GRID2: variants seen among roughly 807,000 people sequenced by gnomAD.
GRID2 encodes the protein glutamate receptor ionotropic, delta-2.
A neutral mutation model predicts 114.8 loss-of-function variants in GRID2; 33 were observed. That is an observed-to-expected ratio of 0.29 (90% CI 0.22 to 0.38). The LOEUF (loss-of-function observed/expected upper bound fraction) is 0.38, where lower values mean the gene tolerates loss of function less well. GRID2 is among the 10% of genes least tolerant of loss of function. The pLI is 1.00. For synonymous variants in GRID2, 505 were observed against 449.9 expected (o/e 1.12, Z -1.55); for missense variants, 1,184 against 1,257.7 (o/e 0.94, Z 0.89).
chr4:93,738,690 A>G (rs957175957), intron 14 of GRID2, among the ~76,000 whole-genome samples: 1 of 152,134 alleles, frequency 6.6e-6, no homozygotes, highest in Admixed American at 6.6e-5. Flanking sequence ...GGAGAAGGAG[A>G]GCAAATATAT....
At chr4:93,012,535 A>G (rs1722285779) in intron 2 of GRID2, among the ~76,000 whole-genome samples, 1 of 152,092 alleles carries the variant, frequency 6.6e-6, no homozygotes, top group Non-Finnish European at 1.5e-5. Flanking sequence ...TTATTGCCAC[A>G]TCATGATGGA....
At chr4:92,548,654 A>G (rs1046578080) in intron 1 of GRID2, among the ~76,000 whole-genome samples, 1 of 151,684 alleles carries the variant, frequency 6.6e-6, no homozygotes, top group African/African-American at 2.4e-5. Flanking sequence ...TCAACTTCCC[A>G]AAGTGCTGGG....
chr4:92,703,206 T>C (rs1205687194), intron 2 of GRID2, among the ~76,000 whole-genome samples: 1 of 152,132 alleles, frequency 6.6e-6, no homozygotes, highest in Non-Finnish European at 1.5e-5. Context: ...ATAAATGTAA[T>C]CTGAATACGA....
chr4:93,172,163 A>T (rs1440650350), intron 4 of GRID2, among the ~76,000 whole-genome samples: 2 of 152,196 alleles, frequency 1.3e-5, no homozygotes, highest in Non-Finnish European at 2.9e-5. Context: ...ATGCTTCTGA[A>T]GTCTACATTA....
chr4:92,659,331 A>C (rs112984788), intron 2 of GRID2, among the ~76,000 whole-genome samples: 1 of 151,684 alleles, frequency 6.6e-6, no homozygotes, highest in African/African-American at 2.4e-5. Context: ...GAGGAATTAG[A>C]GAAGGGAAAG....
At chr4:93,022,988 G>A (rs1343688971) in intron 2 of GRID2, among the ~76,000 whole-genome samples, 1 of 151,696 alleles carries the variant, frequency 6.6e-6, no homozygotes, top group Non-Finnish European at 1.5e-5. Flanking sequence ...GATACACAAA[G>A]GCCAGTAAAG....
chr4:93,527,043 C>G lies in GRID2; in HGVS notation c.2193+11632C>G, dbSNP rs796415279. ...AAGTTTCATTCGCTTTCTGTGGCTCCCAGTCCCTGGCTGTTCTTTTACATC... is the reference window on the plus strand; with the variant it reads ...AAGTTTCATTCGCTTTCTGTGGCTCGCAGTCCCTGGCTGTTCTTTTACATC... On this transcript the variant is annotated intron_variant, in intron 13 of 15. Coordinates refer to ENST00000282020, the MANE Select transcript of GRID2 (RefSeq NM_001510.4). Among the ~76,000 whole-genome samples the G allele has an allele frequency of 2.6e-5, 4 of 152,146 alleles. No individual in the cohort carries two copies. In the South Asian group the frequency reaches 8.3e-4, roughly 32 times the overall value.
intron 13 of GRID2, among the ~76,000 whole-genome samples, chr4:93,534,433 T>G (rs1731822968): frequency 6.6e-6 from 1 of 152,104 alleles, no homozygotes; most frequent in South Asian, 2.1e-4. Flanking sequence ...ACACCTAAAA[T>G]CTATTCTCTT....
intron 14 of GRID2, among the ~76,000 whole-genome samples, chr4:93,693,419 G>T (rs1242934949): frequency 2.0e-5 from 3 of 152,126 alleles, no homozygotes; most frequent in Admixed American, 6.5e-5. Context: ...GAAGAATAAT[G>T]ACCTGAAAAC....
chr4:92,605,570 T>A (rs868599951), intron 2 of GRID2, among the ~76,000 whole-genome samples: 36 of 152,046 alleles, frequency 2.4e-4, no homozygotes, highest in African/African-American at 8.2e-4. Flanking sequence ...TATAAGATGA[T>A]GATGATGGAT....
intron 2 of GRID2, among the ~76,000 whole-genome samples, chr4:92,675,015 C>G (rs1163026179): frequency 1.3e-5 from 2 of 152,052 alleles, no homozygotes; most frequent in Non-Finnish European, 1.5e-5. Flanking sequence ...TTATATCACA[C>G]ATTGTTGGGG....
chr4:92,906,183 A>G (rs919519468), intron 2 of GRID2, among the ~76,000 whole-genome samples: 2 of 152,254 alleles, frequency 1.3e-5, no homozygotes, highest in South Asian at 2.1e-4. Context: ...TGATTATTCA[A>G]ATTGATTATT....
At chr4:93,381,090 C>A (rs1763810880) in intron 8 of GRID2, among the ~76,000 whole-genome samples, 2 of 152,004 alleles carry the variant, frequency 1.3e-5, no homozygotes, top group African/African-American at 2.4e-5. Flanking sequence ...ATAAAATATA[C>A]CATCTTAAAC....
chr4:92,645,195 A>G (rs1402054255), intron 2 of GRID2, among the ~76,000 whole-genome samples: 1 of 151,650 alleles, frequency 6.6e-6, no homozygotes, highest in Admixed American at 6.6e-5. Flanking sequence ...TAAAATTTTC[A>G]TATTGTTAGA....
At chr4:92,566,192 G>A (rs755686867) in intron 1 of GRID2, among the ~76,000 whole-genome samples, 1 of 151,898 alleles carries the variant, frequency 6.6e-6, no homozygotes, top group East Asian at 1.9e-4. Context: ...TAAGATAAAA[G>A]TAAAGCTGCT....
intron 4 of GRID2, among the ~76,000 whole-genome samples, chr4:93,186,587 AC>A (rs1290928571): frequency 4.3e-4 from 65 of 152,266 alleles, no homozygotes; most frequent in Middle Eastern, 3.4e-3. Flanking sequence ...TAGCGAAGCA[AC>A]CTTCAATTTT....
chr4:93,047,284 C>T (rs1470358005), intron 2 of GRID2, among the ~76,000 whole-genome samples: 1 of 151,972 alleles, frequency 6.6e-6, no homozygotes, highest in African/African-American at 2.4e-5. Context: ...AGAAAAAAGA[C>T]ATTAAGTAAA....
rs759522501 is a variant in GRID2, at chr4:92,376,321, A to G, written c.88+71577A>G. On this transcript the variant is annotated intron_variant, in intron 1 of 15. Coordinates refer to ENST00000282020, the MANE Select transcript of GRID2 (RefSeq NM_001510.4). ...CAAGACTCCATCTCAAAAAAATAAT[A>G]TATTAAAACTCGAAAATGACCTCCT... 4.7e-4 allele frequency among the ~76,000 whole-genome samples: 71 copies of G among 152,052 alleles called. 1 individual carries two copies. The highest frequency in any genetic ancestry group is 2.4e-4 in the Non-Finnish European group (16 of 68,006).
At chr4:92,969,431 AAG>A (rs1424428199) in intron 2 of GRID2, among the ~76,000 whole-genome samples, 2 of 151,594 alleles carry the variant, frequency 1.3e-5, no homozygotes, top group African/African-American at 4.9e-5. Flanking sequence ...TTTTACAATT[AAG>A]AGAATGTTTT....
Sources: allele counts gnomAD v4.1 joint callset (sites outside exome capture counted in the v4.1 genomes callset), GRCh38; gene constraint gnomAD v4.1.1; transcripts MANE v1.5; gene names NCBI Gene and HGNC (gene_info 2026-07-23, HGNC 2026-07-21).